The following DLAT variants were observed in gnomAD, a reference collection of about 807,000 sequenced individuals.
DLAT encodes the protein dihydrolipoyllysine-residue acetyltransferase component of pyruvate dehydrogenase complex, mitochondrial.
A neutral mutation model predicts 68.0 loss-of-function variants in DLAT; 43 were observed. That is an observed-to-expected ratio of 0.63 (90% CI 0.50 to 0.81). DLAT has a LOEUF of 0.81. Among genes scored for constraint, DLAT ranks in the 40% least tolerant of loss-of-function variants. The pLI, the probability that DLAT is intolerant of heterozygous loss-of-function variation, is 0.00. For missense variants in DLAT, 745 were observed against 815.4 expected (o/e 0.91, Z 1.05); for synonymous variants, 265 against 288.6 (o/e 0.92, Z 0.83).
At chr11:112,027,370 C>T (rs1245352412) in intron 2 of DLAT, among the ~76,000 whole-genome samples, 1 of 151,808 alleles carries the variant, frequency 6.6e-6, no homozygotes, top group South Asian at 2.1e-4. Context: ...CTCCTCACTT[C>T]CTAGATGGGA....
chr11:112,032,720 CAG>C, intron 4 of DLAT: 1 of 152,298 alleles, frequency 6.6e-6, no homozygotes, highest in Non-Finnish European at 1.5e-5. Flanking sequence ...AAAATTTTAA[CAG>C]AATGGTTTGG....
intron 11 of DLAT, among the ~76,000 whole-genome samples, chr11:112,058,356 G>C (rs1356879997): frequency 6.6e-6 from 1 of 152,134 alleles, no homozygotes; most frequent in African/African-American, 2.4e-5. Flanking sequence ...ATTAGAGCAG[G>C]TTCCTGTGTT....
At chr11:112,026,434 C>A in intron 2 of DLAT, 135 bp downstream of exon 2, 1 of 447,976 alleles carries the variant, frequency 2.2e-6, no homozygotes, top group Non-Finnish European at 3.7e-6. Flanking sequence ...AACAAGTGAA[C>A]AAAGGTCTCT....
intron 11 of DLAT, among the ~76,000 whole-genome samples, chr11:112,053,441 G>T (rs1187347837): frequency 2.0e-5 from 3 of 150,816 alleles, no homozygotes; most frequent in Non-Finnish European, 4.4e-5. Context: ...ACAACTGTTT[G>T]TTTTTTTTTG....
chr11:112,062,431 G>T lies in DLAT; in HGVS notation c.1840G>T (p.Val614Phe), dbSNP rs201582626. 46 of 1,612,500 alleles carry T rather than the reference G, an allele frequency of 2.9e-5. No individual in the cohort carries two copies. The African/African-American group carries it at 5.6e-4, about 20-fold the overall frequency. Reference protein sequence around the residue: ...KGFDVASMMSVTLSCDHRVVD... With the variant: ...KGFDVASMMSFTLSCDHRVVD... The stretch of plus-strand genomic sequence containing the variant: ...GTTTGATGTGGCTAGCATGATGTCT[G>T]TTACACTCAGTTGTGATCACCGGGT... Residue 614 changes from valine (V) to phenylalanine (F), a missense_variant, in exon 14 of 14, where the codon GTT (valine) becomes TTT (phenylalanine). By Grantham distance (50) the Val-to-Phe change is conservative. Transcript: ENST00000280346.
In DLAT at chr11:112,025,458, G is replaced by A. The variant is rs142143586; in HGVS notation, c.-15G>A. 362 of 1,609,306 alleles carry A rather than the reference G, an allele frequency of 2.2e-4. No individual in the cohort carries two copies. In the African/African-American group the frequency reaches 4.2e-3, roughly 19 times the overall value. The stretch of plus-strand genomic sequence containing the variant: ...AGACGGCGTTGGTTTTGGGGTGTGG[G>A]GGGTTGGTGGCACTATGTGGCGCGT... On this transcript the variant is annotated 5_prime_UTR_variant, in exon 1 of 14. Coordinates refer to ENST00000280346, the MANE Select transcript of DLAT (RefSeq NM_001931.5).
chr11:112,042,868 G>A (rs1863115653), intron 7 of DLAT, among the ~76,000 whole-genome samples: 1 of 152,186 alleles, frequency 6.6e-6, no homozygotes, highest in African/African-American at 2.4e-5. Context: ...GACCACATAA[G>A]GAATGAATGA....
chr11:112,061,011 ATTTATT>A (rs1555183191), intron 12 of DLAT, 21 bp from the exon 13 acceptor site: 2 of 1,537,836 alleles, frequency 1.3e-6, no homozygotes, highest in Non-Finnish European at 1.8e-6. Flanking sequence ...ACAAACTATA[ATTTATT>A]TTTAATTTTT....
intron 11 of DLAT, among the ~76,000 whole-genome samples, chr11:112,054,506 G>C (rs587741010): frequency 6.6e-6 from 1 of 152,060 alleles, no homozygotes; most frequent in African/African-American, 2.4e-5. Context: ...AGTTTTCTAC[G>C]TATATGTGAA....
chr11:112,035,402 C>T (rs1161722666), intron 5 of DLAT, among the ~76,000 whole-genome samples: 3 of 152,170 alleles, frequency 2.0e-5, no homozygotes, highest in African/African-American at 7.2e-5. Flanking sequence ...ATACCAGTGT[C>T]ACTATAGAGA....
intron 6 of DLAT, 147 bp downstream of exon 6, chr11:112,037,607 A>G (rs1862841767): frequency 5.8e-6 from 5 of 868,070 alleles, no homozygotes; most frequent in African/African-American, 5.1e-5. Context: ...GTGGAGACCT[A>G]TAGTGTTTGT....
intron 4 of DLAT, chr11:112,029,892 G>C: frequency 1.5e-6 from 1 of 670,086 alleles, no homozygotes; most frequent in Non-Finnish European, 2.8e-6. Flanking sequence ...GTTGGGGCCT[G>C]TGGGAACATT....
At chr11:112,028,992 C>T (rs369523624) in intron 4 of DLAT, 47 bp downstream of exon 4, 9 of 1,609,878 alleles carry the variant, frequency 5.6e-6, no homozygotes, top group Non-Finnish European at 6.8e-6. Context: ...TACTTACTTA[C>T]TCACTTTTTT....
rs1380572755 is a variant in DLAT at position 112,027,398 on chromosome 11, C to T, written c.381+1099C>T. ...AGATGGGATGGCAGCCGGGCAGAGA[C>T]GCTCCTCACTTTCCAGACTGGGCAG... is the stretch of plus-strand genomic sequence containing the variant. On this transcript the variant is annotated intron_variant, in intron 2 of 13. Coordinates refer to ENST00000280346, the MANE Select transcript of DLAT (RefSeq NM_001931.5). Among the ~76,000 whole-genome samples, 5 of 151,638 alleles carry T rather than the reference C, an allele frequency of 3.3e-5. No individual in the cohort carries two copies. The East Asian group carries it at 7.8e-4, about 24-fold the overall frequency.
At chr11:112,055,319 C>T (rs1470013250) in intron 11 of DLAT, among the ~76,000 whole-genome samples, 1 of 143,434 alleles carries the variant, frequency 7.0e-6, no homozygotes, top group African/African-American at 2.6e-5. Context: ...TCTCGGCTCA[C>T]TGCAACCTCC....
At chr11:112,034,082 C>A (rs1223712538) in intron 5 of DLAT, among the ~76,000 whole-genome samples, 1 of 152,180 alleles carries the variant, frequency 6.6e-6, no homozygotes, top group African/African-American at 2.4e-5. Context: ...ATCCTGTGCT[C>A]ACTGAATCAA....
chr11:112,028,141 G>A (rs1329500039), intron 2 of DLAT, among the ~76,000 whole-genome samples: 4 of 152,076 alleles, frequency 2.6e-5, no homozygotes, highest in African/African-American at 9.7e-5. Flanking sequence ...TAACCAAGGC[G>A]TTTCTAAAGT....
In DLAT at chr11:112,051,515, T is replaced by A. The variant is rs1863629161; in HGVS notation, c.1514+166T>A. The stretch of plus-strand genomic sequence containing the variant: ...CAAAAATGTTTATGAGTTACTGCTT[T>A]TTACTTTTTTTTCTTACTGGCCCCA... On this transcript the variant is annotated intron_variant, in intron 11 of 13. Transcript: ENST00000280346. This position sits in a 1 kb window ranked among gnomAD's most constrained non-coding sequence, Gnocchi z 4.3. Among the ~76,000 whole-genome samples the A allele has an allele frequency of 6.6e-6, 1 of 152,206 alleles. No individual in the cohort carries two copies. Among genetic ancestry groups the A allele is most frequent in the Admixed American group, 6.5e-5 (1 of 15,276 alleles).
At chr11:112,041,757 C>T (rs1307998755) in intron 7 of DLAT, among the ~76,000 whole-genome samples, 2 of 152,152 alleles carry the variant, frequency 1.3e-5, no homozygotes, top group Non-Finnish European at 2.9e-5. Context: ...TGGCAGGCGC[C>T]TGTGGTCCCA....
Sources: gnomAD v4.1 joint callset for allele counts (sites outside exome capture counted in the v4.1 genomes callset) on GRCh38, gnomAD v4.1.1 for gene constraint, Gnocchi (gnomAD v3.1) non-coding constraint, MANE v1.5 for transcripts, NCBI Gene and HGNC (gene_info 2026-07-23, HGNC 2026-07-21) for gene names.